DMD: variants seen among roughly 807,000 people sequenced by gnomAD.
DMD encodes mutant dystrophin.
Under a neutral mutation model 330.1 loss-of-function variants are expected in DMD, and 63 were observed. The ratio of observed to expected loss-of-function variants is 0.19; its 90% CI spans 0.16 to 0.24. DMD has a LOEUF of 0.24. DMD is among the 10% of genes least tolerant of loss of function. The pLI is 1.00. For synonymous variants in DMD, 1,223 were observed against 959.8 expected (o/e 1.27, Z -5.07); for missense variants, 3,344 against 2,684.1 (o/e 1.25, Z -5.43).
At chrX:31,396,327 C>T (rs1395289352) in intron 60 of DMD, among the ~76,000 whole-genome samples, 4 of 109,887 alleles carry the variant, frequency 3.6e-5, no homozygotes, top group East Asian at 2.9e-4. Context: ...TTAGTAGAGA[C>T]GGGGTTTCAC....
chrX:31,867,447 T>TCAGC (rs1236867625), intron 48 of DMD, among the ~76,000 whole-genome samples: 1 of 111,388 alleles, frequency 9.0e-6, no homozygotes, highest in Non-Finnish European at 1.9e-5. Flanking sequence ...ATGATCCTAT[T>TCAGC]CAGCCAAGTA....
intron 8 of DMD, 110 bp downstream of exon 8, chrX:32,699,002 A>G (rs2063873714): frequency 1.5e-6 from 1 of 677,230 alleles, no homozygotes; most frequent in Admixed American, 2.6e-5. Flanking sequence ...GGCTTTGTAT[A>G]TATACACGTG....
chrX:31,840,489 G>A (rs1436153277), intron 48 of DMD, among the ~76,000 whole-genome samples: 2 of 105,338 alleles, frequency 1.9e-5, no homozygotes, highest in Non-Finnish European at 3.9e-5. Context: ...ACACATGTAT[G>A]TATATGTACA....
At chrX:31,585,254 G>T (rs896684606) in intron 55 of DMD, among the ~76,000 whole-genome samples, 1 of 104,305 alleles carries the variant, frequency 9.6e-6, no homozygotes. Flanking sequence ...AGCCCAGGAG[G>T]TGGAGGTTGC....
chrX:32,535,780 G>A (rs1237697668), intron 17 of DMD, among the ~76,000 whole-genome samples: 1 of 111,316 alleles, frequency 9.0e-6, no homozygotes, highest in Admixed American at 9.6e-5. Flanking sequence ...CACAAAACCT[G>A]GAAAATCCCT....
intron 55 of DMD, among the ~76,000 whole-genome samples, chrX:31,541,244 T>C (rs1415907019): frequency 2.7e-5 from 3 of 112,078 alleles, no homozygotes; most frequent in Non-Finnish European, 5.6e-5. Context: ...GTTCAGTTAT[T>C]GAAAAACTTT....
intron 7 of DMD, among the ~76,000 whole-genome samples, chrX:32,748,106 G>T (rs770673235): frequency 1.8e-5 from 2 of 110,522 alleles, no homozygotes; most frequent in South Asian, 7.8e-4. Flanking sequence ...ACTTTGGGAG[G>T]CTGAGGCAGG....
In DMD at chrX:32,393,000, C is replaced by T. The variant is rs148727489; in HGVS notation, c.4234-2819G>A. On this transcript the variant is annotated intron_variant, in intron 30 of 78. Coordinates refer to ENST00000357033, the MANE Select transcript of DMD (RefSeq NM_004006.3). ...CAATGGACTAAAATCACATAAGAAA[C>T]CACAAAAGAGAACCATCCAGGTGAG... 2.9e-3 allele frequency among the ~76,000 whole-genome samples: 321 copies of T among 111,911 alleles called. 3 individuals carry two copies. The highest frequency in any genetic ancestry group is 0.01 in the African/African-American group (309 of 30,818).
At chrX:32,783,028 G>A (rs2074954170) in intron 7 of DMD, among the ~76,000 whole-genome samples, 1 of 100,671 alleles carries the variant, frequency 9.9e-6, no homozygotes, top group Admixed American at 1.1e-4. Context: ...TACATATATG[G>A]TGTGTTTATA....
chrX:31,864,939 A>C (rs998098214), intron 48 of DMD, among the ~76,000 whole-genome samples: 3 of 111,973 alleles, frequency 2.7e-5, no homozygotes, highest in African/African-American at 9.7e-5. Context: ...AATTCACTCA[A>C]TTTTTCATTT....
At chrX:31,776,774 A>T (rs2090692518) in intron 50 of DMD, among the ~76,000 whole-genome samples, 1 of 112,110 alleles carries the variant, frequency 8.9e-6, no homozygotes, top group African/African-American at 3.2e-5. Context: ...ACTCAAAAAG[A>T]GAGAATGGTT....
intron 11 of DMD, among the ~76,000 whole-genome samples, chrX:32,616,044 G>A (rs2057537620): frequency 9.0e-6 from 1 of 110,975 alleles, no homozygotes; most frequent in Non-Finnish European, 1.9e-5. Flanking sequence ...GTATTTTGTA[G>A]TATGCCTCTC....
intron 44 of DMD, among the ~76,000 whole-genome samples, chrX:32,055,236 G>T (rs900552180): frequency 2.1e-4 from 23 of 111,212 alleles, no homozygotes; most frequent in Non-Finnish European, 1.1e-4. Context: ...ACTGAAATTT[G>T]CTCCACCTCT....
intron 26 of DMD, among the ~76,000 whole-genome samples, chrX:32,453,605 T>C (rs760772337): frequency 1.8e-5 from 2 of 110,320 alleles, no homozygotes; most frequent in Non-Finnish European, 3.8e-5. Flanking sequence ...AAATAATGAG[T>C]CATGGTCATT....
At chrX:31,283,041 TGAAA>T (rs1021722295) in intron 62 of DMD, among the ~76,000 whole-genome samples, 3 of 111,684 alleles carry the variant, frequency 2.7e-5, no homozygotes, top group African/African-American at 6.5e-5. Context: ...CTTTTCAAAC[TGAAA>T]GAAATTCCAT....
chrX:32,527,066 C>A (rs1051457989), intron 17 of DMD, among the ~76,000 whole-genome samples: 1 of 111,789 alleles, frequency 8.9e-6, no homozygotes, highest in Non-Finnish European at 1.9e-5. Flanking sequence ...ATTTAAACAT[C>A]TTAGCATGTA....
At chrX:32,850,486 A>T (rs911276119) in intron 2 of DMD, among the ~76,000 whole-genome samples, 1 of 112,036 alleles carries the variant, frequency 8.9e-6, no homozygotes, top group African/African-American at 3.2e-5. Context: ...ACACTATTAA[A>T]TGAGTGGATT....
At chrX:33,231,857 C>T (rs1430576788) in intron 1 of DMD, among the ~76,000 whole-genome samples, 1 of 111,566 alleles carries the variant, frequency 9.0e-6, no homozygotes, top group Non-Finnish European at 1.9e-5. Flanking sequence ...TGTCCCAGAT[C>T]TGCTCTCTTT....
chrX:31,833,292 G>GA (rs1491110349), intron 49 of DMD, among the ~76,000 whole-genome samples: 536 of 10,883 alleles, frequency 0.049, 6 homozygotes, highest in Non-Finnish European at 0.063. Context: ...GAGAGAGAGA[G>GA]GGAGAGAGGG....
Sources: gnomAD v4.1 joint callset for allele counts (sites outside exome capture counted in the v4.1 genomes callset) on GRCh38, gnomAD v4.1.1 for gene constraint, MANE v1.5 for transcripts, NCBI Gene and HGNC (gene_info 2026-07-23, HGNC 2026-07-21) for gene names.